The following GPC5 variants were observed in gnomAD, a reference collection of about 807,000 sequenced individuals.
The protein encoded by GPC5 is glypican 5.
A neutral mutation model predicts 53.9 loss-of-function variants in GPC5; 47 were observed. The ratio of observed to expected loss-of-function variants is 0.87; its 90% confidence interval spans 0.69 to 1.11. The LOEUF (loss-of-function observed/expected upper bound fraction) is 1.11. Ranked by LOEUF, GPC5 falls within the 50% of genes most tolerant of loss-of-function variation. GPC5 has a pLI of 0.00. For missense variants in GPC5, 748 were observed against 713.1 expected, an observed-to-expected ratio of 1.05 and a Z score of -0.56; for synonymous variants, 286 against 263.3, an observed-to-expected ratio of 1.09 and a Z score of -0.84.
At chr13:92,593,276 T>C (rs955016277) in intron 7 of GPC5, among the ~76,000 whole-genome samples, 1 of 151,088 alleles carries the variant, frequency 6.6e-6, no homozygotes, top group African/African-American at 2.4e-5. Context: ...GGTTCCATGG[T>C]GGAAACGTGA....
chr13:92,702,806 G>A lies in GPC5; in HGVS notation c.1562-163476G>A, dbSNP rs149507750. 2.3e-3 allele frequency among the ~76,000 whole-genome samples: 348 copies of A among 152,104 alleles called. 1 individual carries two copies. Among genetic ancestry groups the A allele is most frequent in the Non-Finnish European group, 4.1e-3 (279 of 68,004 alleles). The stretch of plus-strand genomic sequence containing the variant: ...CAGAGAAAAAGCTAATCGGTGTCTT[G>A]CATATGTAACTCTATGTGATCTCCA... On this transcript the variant is annotated intron_variant, in intron 7 of 7. Transcript: ENST00000377067.
chr13:91,815,302 G>T (rs1425887086), intron 5 of GPC5, among the ~76,000 whole-genome samples: 2 of 152,046 alleles, frequency 1.3e-5, no homozygotes, highest in African/African-American at 4.8e-5. Flanking sequence ...CCAGGAGGTC[G>T]AGACTACAAT....
intron 7 of GPC5, among the ~76,000 whole-genome samples, chr13:92,467,395 A>G (rs1484419789): frequency 1.3e-5 from 2 of 152,148 alleles, no homozygotes; most frequent in African/African-American, 2.4e-5. Context: ...TTATGCTTAT[A>G]GATGAGTCTG....
intron 2 of GPC5, among the ~76,000 whole-genome samples, chr13:91,645,806 G>A (rs1286886325): frequency 6.6e-6 from 1 of 152,146 alleles, no homozygotes; most frequent in African/African-American, 2.4e-5. Context: ...TTGTAATGCA[G>A]ACTTCTGGGT....
intron 7 of GPC5, among the ~76,000 whole-genome samples, chr13:92,645,422 A>G (rs1363344098): frequency 6.6e-6 from 1 of 152,198 alleles, no homozygotes. Flanking sequence ...TGTGTTTTCT[A>G]TAATTTAATA....
At chr13:92,808,979 A>G (rs1329971602) in intron 7 of GPC5, among the ~76,000 whole-genome samples, 1 of 152,088 alleles carries the variant, frequency 6.6e-6, no homozygotes, top group Non-Finnish European at 1.5e-5. Flanking sequence ...TCCCCTACAC[A>G]TTATTCTATT....
intron 7 of GPC5, among the ~76,000 whole-genome samples, chr13:92,505,104 T>C (rs1041211096): frequency 1.3e-5 from 2 of 151,806 alleles, no homozygotes; most frequent in Non-Finnish European, 2.9e-5. Flanking sequence ...TAACAGTAAC[T>C]TTGAGAAGTT....
At chr13:92,007,462 A>G (rs1189057806) in intron 6 of GPC5, among the ~76,000 whole-genome samples, 1 of 152,172 alleles carries the variant, frequency 6.6e-6, no homozygotes, top group Non-Finnish European at 1.5e-5. Context: ...CCCTTTTGTC[A>G]TTATAAAGAG....
At chr13:91,614,688 A>G (rs1336386559) in intron 2 of GPC5, among the ~76,000 whole-genome samples, 1 of 152,136 alleles carries the variant, frequency 6.6e-6, no homozygotes, top group African/African-American at 2.4e-5. Context: ...GAGTTAAGAG[A>G]AAATAGAAGA....
chr13:92,485,212 T>C (rs1879508812), intron 7 of GPC5, among the ~76,000 whole-genome samples: 1 of 152,208 alleles, frequency 6.6e-6, no homozygotes, highest in Non-Finnish European at 1.5e-5. Context: ...ATTTTTGTAA[T>C]TTGTTTTTAT....
chr13:91,437,744 T>C (rs868612381), intron 1 of GPC5, among the ~76,000 whole-genome samples: 43 of 152,356 alleles, frequency 2.8e-4, no homozygotes, highest in Middle Eastern at 3.4e-3. Context: ...GATAATATCC[T>C]GCAGAGTGTT....
intron 7 of GPC5, among the ~76,000 whole-genome samples, chr13:92,638,102 G>A (rs1179025194): frequency 6.6e-6 from 1 of 152,118 alleles, no homozygotes; most frequent in Non-Finnish European, 1.5e-5. Context: ...AACTTCAGTG[G>A]CCTATTATAA....
chr13:91,895,185 G>C (rs2039428655), intron 5 of GPC5, among the ~76,000 whole-genome samples: 1 of 152,090 alleles, frequency 6.6e-6, no homozygotes, highest in Non-Finnish European at 1.5e-5. Flanking sequence ...CTGGTTCCTA[G>C]AACTGCCAAT....
In GPC5 at chr13:92,019,207, C is replaced by A. The variant is rs186462346; in HGVS notation, c.1401+111150C>A. The stretch of plus-strand genomic sequence containing the variant: ...AAGTTATTACATACACATACTCTCT[C>A]TCTATATATATTAAGCTCTATATAT... On this transcript the variant is annotated intron_variant, in intron 6 of 7. Transcript: ENST00000377067. 3.7e-4 allele frequency among the ~76,000 whole-genome samples: 56 copies of A among 151,886 alleles called. 1 individual carries two copies. Among genetic ancestry groups the A allele is most frequent in the Middle Eastern group, 6.9e-3 (2 of 290 alleles).
intron 7 of GPC5, among the ~76,000 whole-genome samples, chr13:92,547,976 C>G (rs1882182134): frequency 2.0e-5 from 3 of 150,278 alleles, no homozygotes; most frequent in Admixed American, 2.0e-4. Context: ...ACTACAGGTG[C>G]CCGCCACCAC....
intron 5 of GPC5, among the ~76,000 whole-genome samples, chr13:91,832,002 C>T (rs982304580): frequency 6.0e-5 from 9 of 151,246 alleles, no homozygotes; most frequent in Admixed American, 6.6e-5. Flanking sequence ...GGGTTCAAGT[C>T]CTGAATATCC....
intron 7 of GPC5, among the ~76,000 whole-genome samples, chr13:92,532,023 T>A (rs1237932378): frequency 6.6e-6 from 1 of 152,164 alleles, no homozygotes; most frequent in Non-Finnish European, 1.5e-5. Context: ...CTTCTTTTTC[T>A]CACCCTGGGT....
Position 92,089,534 on chromosome 13 carries a change from T to C in GPC5, c.1402-55296T>C, listed in dbSNP as rs2041362807. On this transcript the variant is annotated intron_variant, in intron 6 of 7. Coordinates refer to ENST00000377067, the MANE Select transcript of GPC5 (RefSeq NM_004466.6). Reference sequence around the variant, plus strand: ...TTTACATATTTTAAATTCACTAATATAGCATTACATTTTAAAAAGGCATAT... The same window carrying C: ...TTTACATATTTTAAATTCACTAATACAGCATTACATTTTAAAAAGGCATAT... 2.0e-5 allele frequency among the ~76,000 whole-genome samples: 3 copies of C among 152,208 alleles called. No homozygotes were observed. In the South Asian group the frequency reaches 6.2e-4, roughly 31 times the overall value.
intron 5 of GPC5, among the ~76,000 whole-genome samples, chr13:91,834,753 G>T (rs1454395426): frequency 6.6e-6 from 1 of 152,112 alleles, no homozygotes; most frequent in Admixed American, 6.6e-5. Flanking sequence ...ACTCAAGATG[G>T]ATTAAAGACT....
Sources: allele counts gnomAD v4.1 joint callset (sites outside exome capture counted in the v4.1 genomes callset), GRCh38; gene constraint gnomAD v4.1.1; transcripts MANE v1.5; gene names NCBI Gene and HGNC (gene_info 2026-07-23, HGNC 2026-07-21).